ZBTB20: variants seen among roughly 807,000 people sequenced by gnomAD.
ZBTB20 encodes the protein zinc finger and BTB domain-containing protein 20.
A neutral mutation model predicts 56.9 loss-of-function variants in ZBTB20; 9 were observed. The observed-to-expected ratio is 0.16, with a 90% CI of 0.10 to 0.28. The LOEUF (loss-of-function observed/expected upper bound fraction) is 0.28. Among genes scored for constraint, ZBTB20 ranks in the 10% least tolerant of loss-of-function variants. The pLI, the probability that ZBTB20 is intolerant of heterozygous loss-of-function variation, is 1.00. For missense variants in ZBTB20, 655 were observed against 1,003.0 expected (o/e 0.65, Z 4.69); for synonymous variants, 417 against 420.7 (o/e 0.99, Z 0.11).
chr3:114,970,172 T>A (rs954631220), intron 3 of ZBTB20, among the ~76,000 whole-genome samples: 1 of 152,202 alleles, frequency 6.6e-6, no homozygotes, highest in African/African-American at 2.4e-5. Context: ...ACTTCCTTGA[T>A]CACTGGTAAA....
intron 2 of ZBTB20, among the ~76,000 whole-genome samples, chr3:114,986,394 C>T (rs900379037): frequency 2.6e-5 from 4 of 152,116 alleles, no homozygotes; most frequent in Admixed American, 6.6e-5. Context: ...AATATACATT[C>T]CCCTTAACCA....
chr3:114,353,524 G>A (rs902996842), intron 10 of ZBTB20, among the ~76,000 whole-genome samples: 1 of 152,190 alleles, frequency 6.6e-6, no homozygotes, highest in East Asian at 1.9e-4. Flanking sequence ...TTAGGCTACA[G>A]ATTCCATCGT....
intron 6 of ZBTB20, among the ~76,000 whole-genome samples, chr3:114,678,168 AT>A (rs952655072): frequency 6.6e-6 from 1 of 152,136 alleles, no homozygotes; most frequent in African/African-American, 2.4e-5. Context: ...GCAGAATTTG[AT>A]TTTTTTCCTC....
At chr3:114,629,484 A>T (rs539858988) in intron 6 of ZBTB20, among the ~76,000 whole-genome samples, 2 of 152,288 alleles carry the variant, frequency 1.3e-5, no homozygotes, top group African/African-American at 4.8e-5. Flanking sequence ...AAAATCATGT[A>T]AAATATTTAA....
chr3:114,536,941 GA>G (rs1231219682), intron 6 of ZBTB20, among the ~76,000 whole-genome samples: 3 of 152,130 alleles, frequency 2.0e-5, no homozygotes, highest in Non-Finnish European at 4.4e-5. Context: ...GCCCTATGCA[GA>G]AAACCGAAAC....
At chr3:114,624,300 G>A (rs2058515711) in intron 6 of ZBTB20, 2 of 149,726 alleles carry the variant, frequency 1.3e-5, no homozygotes, top group African/African-American at 2.5e-5. Context: ...AGCCTCTTAC[G>A]ATCTAACTTC....
At chr3:115,059,430 T>C (rs934437621) in intron 2 of ZBTB20, among the ~76,000 whole-genome samples, 2 of 152,274 alleles carry the variant, frequency 1.3e-5, no homozygotes, top group South Asian at 4.1e-4. Flanking sequence ...GGATCTCATT[T>C]CCCTGGCTAT....
chr3:115,094,547 T>C (rs1190966447), intron 1 of ZBTB20, among the ~76,000 whole-genome samples: 1 of 151,792 alleles, frequency 6.6e-6, no homozygotes, highest in Non-Finnish European at 1.5e-5. Flanking sequence ...AATAGCTTTT[T>C]TTTTTTTTTA....
chr3:115,115,830 C>A (rs538083742), intron 1 of ZBTB20, among the ~76,000 whole-genome samples: 5 of 152,050 alleles, frequency 3.3e-5, no homozygotes, highest in African/African-American at 1.2e-4. Context: ...GATTTTAATG[C>A]CTTACCAATG....
chr3:114,741,094 C>T (rs1297329101), intron 5 of ZBTB20, among the ~76,000 whole-genome samples: 1 of 152,184 alleles, frequency 6.6e-6, no homozygotes, highest in Non-Finnish European at 1.5e-5. Flanking sequence ...CACCATGGAA[C>T]ATGTTAAAAT....
At chr3:114,945,972 T>C (rs1396255748) in intron 3 of ZBTB20, among the ~76,000 whole-genome samples, 1 of 145,508 alleles carries the variant, frequency 6.9e-6, no homozygotes, top group Admixed American at 6.6e-5. Flanking sequence ...TAGGAAGATA[T>C]CACAGTTCCA....
At chr3:114,456,898 G>A (rs534298375) in intron 7 of ZBTB20, among the ~76,000 whole-genome samples, 3 of 152,304 alleles carry the variant, frequency 2.0e-5, no homozygotes, top group East Asian at 1.9e-4. Flanking sequence ...GAAGAAAACC[G>A]AAAGAAATGT....
intron 2 of ZBTB20, among the ~76,000 whole-genome samples, chr3:115,053,337 A>C (rs77219253): frequency 6.6e-6 from 1 of 152,196 alleles, no homozygotes; most frequent in African/African-American, 2.4e-5. Flanking sequence ...TCAGTTCAGA[A>C]CCATATAAAG....
At chr3:114,792,981 T>C (rs2071079489) in intron 5 of ZBTB20, among the ~76,000 whole-genome samples, 1 of 151,680 alleles carries the variant, frequency 6.6e-6, no homozygotes, top group Non-Finnish European at 1.5e-5. Context: ...GTTTAAGTGA[T>C]TCTCCTGCCT....
chr3:114,526,343 G>T (rs1349938902), intron 6 of ZBTB20, among the ~76,000 whole-genome samples: 1 of 152,126 alleles, frequency 6.6e-6, no homozygotes. Context: ...ACCTGCACTA[G>T]TGAGTTCTAT....
chr3:114,974,645 C>T (rs932510326), intron 2 of ZBTB20, among the ~76,000 whole-genome samples: 4 of 152,076 alleles, frequency 2.6e-5, no homozygotes, highest in Non-Finnish European at 5.9e-5. Flanking sequence ...AGGCATAGCA[C>T]GGTGTTTGCT....
At chr3:114,763,113 C>T (rs1398659336) in intron 5 of ZBTB20, among the ~76,000 whole-genome samples, 1 of 152,118 alleles carries the variant, frequency 6.6e-6, no homozygotes, top group African/African-American at 2.4e-5. Context: ...TGACTTAATC[C>T]CAGTTTTTCT....
At chr3:114,648,730 A>G (rs911843815) in intron 6 of ZBTB20, among the ~76,000 whole-genome samples, 1 of 152,016 alleles carries the variant, frequency 6.6e-6, no homozygotes, top group African/African-American at 2.4e-5. Context: ...AATTTGTCTC[A>G]ATGTATTTCA....
In ZBTB20 at chr3:114,571,832, C is replaced by G. The variant is rs947488299; in HGVS notation, c.-294-71441G>C. On this transcript the variant is annotated intron_variant, in intron 6 of 11. Coordinates refer to ENST00000675478, the MANE Select transcript of ZBTB20 (RefSeq NM_001348800.3). ...AGATCTCCATTTTAAACAGGCTCCCCAAGTAATTCTTATGCTACTTAAGCC... is the reference window on the plus strand; with the variant it reads ...AGATCTCCATTTTAAACAGGCTCCCGAAGTAATTCTTATGCTACTTAAGCC... 6.6e-5 allele frequency among the ~76,000 whole-genome samples: 10 copies of G among 152,232 alleles called. 1 individual carries two copies. Among genetic ancestry groups the G allele is most frequent in the Admixed American group, 6.5e-4 (10 of 15,290 alleles).
Sources: gnomAD v4.1 joint callset for allele counts (sites outside exome capture counted in the v4.1 genomes callset) on GRCh38, gnomAD v4.1.1 for gene constraint, MANE v1.5 for transcripts, NCBI Gene and HGNC (gene_info 2026-07-23, HGNC 2026-07-21) for gene names.